CTNNA2: variants seen among roughly 807,000 people sequenced by gnomAD.
The protein encoded by CTNNA2 is catenin alpha 2, also known as catenin alpha-2.
A neutral mutation model predicts 101.0 loss-of-function variants in CTNNA2; 42 were observed. The observed-to-expected ratio is 0.42, with a 90% confidence interval of 0.32 to 0.54. The LOEUF is 0.54. Among genes scored for constraint, CTNNA2 ranks in the 20% least tolerant of loss-of-function variants. The pLI is 0.14. For missense variants in CTNNA2, 871 were observed against 1,223.1 expected, an observed-to-expected ratio of 0.71 and a Z score of 4.29; for synonymous variants, 450 against 456.4, an observed-to-expected ratio of 0.99 and a Z score of 0.18.
At chr2:79,424,742 A>C (rs1027515267) in intron 4 of CTNNA2, among the ~76,000 whole-genome samples, 1 of 152,152 alleles carries the variant, frequency 6.6e-6, no homozygotes, top group African/African-American at 2.4e-5. Context: ...GTAGTTCTTT[A>C]AGCTTCTGAT....
chr2:79,243,846 G>A (rs1460477791), intron 2 of CTNNA2, among the ~76,000 whole-genome samples: 1 of 152,194 alleles, frequency 6.6e-6, no homozygotes, highest in Non-Finnish European at 1.5e-5. Context: ...GGAGGCAGGA[G>A]AGAACCTTTC....
chr2:80,635,105 G>A (rs1383731012), intron 18 of CTNNA2, among the ~76,000 whole-genome samples: 1 of 152,076 alleles, frequency 6.6e-6, no homozygotes, highest in Non-Finnish European at 1.5e-5. Context: ...ATAATAGAAT[G>A]GTTACAACTC....
chr2:80,211,260 C>T (rs533777429), intron 7 of CTNNA2, among the ~76,000 whole-genome samples: 57 of 152,258 alleles, frequency 3.7e-4, no homozygotes, highest in Middle Eastern at 3.4e-3. Flanking sequence ...GTTGCCATTG[C>T]TTTTGGTGTT....
At chr2:80,597,749 C>A (rs909569678) in intron 15 of CTNNA2, among the ~76,000 whole-genome samples, 6 of 152,124 alleles carry the variant, frequency 3.9e-5, no homozygotes, top group African/African-American at 1.4e-4. Context: ...TAGAGAAATG[C>A]AATTCAAAAC....
chr2:79,954,686 C>T (rs1689106587), intron 7 of CTNNA2, among the ~76,000 whole-genome samples: 1 of 152,188 alleles, frequency 6.6e-6, no homozygotes, highest in Non-Finnish European at 1.5e-5. Flanking sequence ...ACACTGTGCA[C>T]ACTGGTCCCA....
At chr2:80,409,299 A>T (rs531147509) in intron 8 of CTNNA2, among the ~76,000 whole-genome samples, 22 of 145,700 alleles carry the variant, frequency 1.5e-4, no homozygotes, top group Admixed American at 2.7e-4. Context: ...TTTAAGTAAT[A>T]AAAAAAAAAA....
At chr2:80,122,528 T>C (rs1483720999) in intron 7 of CTNNA2, among the ~76,000 whole-genome samples, 1 of 152,198 alleles carries the variant, frequency 6.6e-6, no homozygotes, top group Non-Finnish European at 1.5e-5. Context: ...AGACCAGCAG[T>C]CATTTTCAAG....
intron 7 of CTNNA2, among the ~76,000 whole-genome samples, chr2:80,271,698 A>C (rs1450168044): frequency 6.6e-6 from 1 of 152,152 alleles, no homozygotes; most frequent in African/African-American, 2.4e-5. Flanking sequence ...CTGGGATTAC[A>C]GGTGTGAGCC....
chr2:79,565,176 G>T (rs1272988840), intron 1 of CTNNA2, among the ~76,000 whole-genome samples: 2 of 151,812 alleles, frequency 1.3e-5, no homozygotes, highest in Non-Finnish European at 2.9e-5. Flanking sequence ...AAGCCGGGTT[G>T]TCACACGATC....
Position 80,134,483 on chromosome 2 carries a change from A to G in CTNNA2, c.1056+224686A>G, listed in dbSNP as rs77716463. Among the ~76,000 whole-genome samples, 641 of 152,176 alleles carry G rather than the reference A, an allele frequency of 4.2e-3. 2 individuals are homozygous for G. The highest frequency in any genetic ancestry group is 0.021 in the East Asian group (106 of 5,160). On this transcript the variant is annotated intron_variant, in intron 7 of 18. Coordinates refer to ENST00000402739, the MANE Select transcript of CTNNA2 (RefSeq NM_001282597.3). ...AACCTTCCAGGGGGGTTTGCAGAAA[A>G]CCCGTTAATAAACTTCAACTTCATC...
At chr2:80,245,637 T>G (rs1671261471) in intron 7 of CTNNA2, among the ~76,000 whole-genome samples, 1 of 151,946 alleles carries the variant, frequency 6.6e-6, no homozygotes, top group Admixed American at 6.6e-5. Context: ...CTAAGACTCA[T>G]GAAACCATCA....
rs188667093 is a variant in CTNNA2 at position 79,553,634 on chromosome 2, G to A, written c.-6+40427G>A. On this transcript the variant is annotated intron_variant, in intron 1 of 18. Coordinates refer to ENST00000402739, the MANE Select transcript of CTNNA2 (RefSeq NM_001282597.3). ...AGGCACATCTTATATGGCTGGAGAA[G>A]GAGGAAGAGATAGTGAAGTGCTATA... Among the ~76,000 whole-genome samples the A allele has an allele frequency of 2.0e-3, 297 of 152,264 alleles. 1 individual carries two copies. Among genetic ancestry groups the A allele is most frequent in the Non-Finnish European group, 2.9e-3 (198 of 68,022 alleles).
At position 80,084,527 on chromosome 2, in the gene CTNNA2, T is replaced by C. The variant is rs115792207; in HGVS notation, c.1056+174730T>C. Among the ~76,000 whole-genome samples the C allele has an allele frequency of 6.1e-3, 934 of 152,168 alleles. 5 individuals are homozygous for C. Among genetic ancestry groups the C allele is most frequent in the Middle Eastern group, 0.024 (7 of 294 alleles). ...CTCTTCTAAGTCCGGGAACACACAA[T>C]CAGCTCGTATTGAATTTGTCAAAGA... is the stretch of plus-strand genomic sequence containing the variant. On this transcript the variant is annotated intron_variant, in intron 7 of 18. Coordinates refer to ENST00000402739, the MANE Select transcript of CTNNA2 (RefSeq NM_001282597.3).
chr2:80,189,820 C>T (rs1289967494), intron 7 of CTNNA2, among the ~76,000 whole-genome samples: 1 of 151,944 alleles, frequency 6.6e-6, no homozygotes, highest in Non-Finnish European at 1.5e-5. Context: ...AGAAAATGTT[C>T]CAGGTAGAAG....
intron 7 of CTNNA2, among the ~76,000 whole-genome samples, chr2:80,214,994 C>A (rs1708165033): frequency 6.6e-6 from 1 of 152,142 alleles, no homozygotes; most frequent in African/African-American, 2.4e-5. Context: ...CTTCTCGCTT[C>A]ATTTCATTCA....
chr2:79,473,338 A>C (rs2104549158), intron 4 of CTNNA2, among the ~76,000 whole-genome samples: 2 of 152,246 alleles, frequency 1.3e-5, no homozygotes, highest in South Asian at 2.1e-4. Context: ...AAAAAGACAA[A>C]AAAATCACAA....
At chr2:79,193,423 G>A (rs565199674) in intron 1 of CTNNA2, among the ~76,000 whole-genome samples, 68 of 152,176 alleles carry the variant, frequency 4.5e-4, no homozygotes, top group Middle Eastern at 6.8e-3. Context: ...ACGGTGTTCC[G>A]TACAATAACA....
At chr2:80,151,983 G>T (rs549609843) in intron 7 of CTNNA2, among the ~76,000 whole-genome samples, 1 of 152,352 alleles carries the variant, frequency 6.6e-6, no homozygotes, top group South Asian at 2.1e-4. Context: ...ATCAGGCAAG[G>T]GTTCAGGGGC....
intron 2 of CTNNA2, among the ~76,000 whole-genome samples, chr2:79,665,722 A>T (rs4852156): frequency 0.21 from 31,521 of 152,120 alleles, 3,617 homozygotes; most frequent in Admixed American, 0.26. Context: ...TAATTTTAAG[A>T]GTATTGATTA....
Sources: allele counts gnomAD v4.1 joint callset (sites outside exome capture counted in the v4.1 genomes callset), GRCh38; gene constraint gnomAD v4.1.1; transcripts MANE v1.5; gene names NCBI Gene and HGNC (gene_info 2026-07-23, HGNC 2026-07-21).